The following CLMN variants were observed in gnomAD, a reference collection of about 807,000 sequenced individuals.
CLMN encodes the protein calmin.
CLMN carries 57 observed loss-of-function variants against 92.7 expected under a neutral mutation model. That is an observed-to-expected ratio of 0.61 (90% CI 0.50 to 0.77). The LOEUF (loss-of-function observed/expected upper bound fraction) is 0.77. CLMN is among the 30% of genes least tolerant of loss of function. CLMN has a pLI of 0.00. For synonymous variants in CLMN, 466 were observed against 470.6 expected (o/e 0.99, Z 0.13); for missense variants, 1,158 against 1,237.5 (o/e 0.94, Z 0.96).
Position 95,315,870 on chromosome 14 carries a change from C to G in CLMN, c.82+3841G>C, listed in dbSNP as rs555715437. On this transcript the variant is annotated intron_variant, in intron 1 of 12. Transcript: ENST00000298912. ...AGAGACTAGAACCAGCTTTCATTCTCCAATGTCTGCAAGATGCTACGTGCT... is the reference window on the plus strand; with the variant it reads ...AGAGACTAGAACCAGCTTTCATTCTGCAATGTCTGCAAGATGCTACGTGCT... Among the ~76,000 whole-genome samples the G allele has an allele frequency of 7.2e-5, 11 of 152,364 alleles. No individual in the cohort carries two copies. The South Asian group carries it at 1.7e-3, about 23-fold the overall frequency.
In CLMN at chr14:95,209,206, G is replaced by A. The variant is rs142738241; in HGVS notation, c.885+189C>T. 3.7e-3 allele frequency among the ~76,000 whole-genome samples: 557 copies of A among 152,266 alleles called. 6 individuals carry two copies. Among genetic ancestry groups the A allele is most frequent in the African/African-American group, 0.012 (514 of 41,542 alleles). ...CTGGGGGTCTTGAACTGTATCCCCCGCATATGAGGGGGACAACTATCATTC... is the reference window on the plus strand; with the variant it reads ...CTGGGGGTCTTGAACTGTATCCCCCACATATGAGGGGGACAACTATCATTC... On this transcript the variant is annotated intron_variant, in intron 8 of 12. Transcript: ENST00000298912.
chr14:95,260,468 A>C (rs1485757526), intron 1 of CLMN: 1 of 152,202 alleles, frequency 6.6e-6, no homozygotes, highest in Non-Finnish European at 1.5e-5. Context: ...TGGATCCAAC[A>C]AACAAATTAC....
At chr14:95,258,062 C>T (rs985629707) in intron 1 of CLMN, among the ~76,000 whole-genome samples, 1 of 149,908 alleles carries the variant, frequency 6.7e-6, no homozygotes, top group South Asian at 2.1e-4. Flanking sequence ...AGGTGGTATG[C>T]GTGAGGTGTG....
intron 1 of CLMN, among the ~76,000 whole-genome samples, chr14:95,279,951 A>G (rs903524543): frequency 6.6e-6 from 1 of 151,078 alleles, no homozygotes; most frequent in Non-Finnish European, 1.5e-5. Flanking sequence ...AAAAGATTAT[A>G]AGGCATCAGA....
At chr14:95,302,005 G>A (rs1358495004) in intron 1 of CLMN, among the ~76,000 whole-genome samples, 1 of 152,186 alleles carries the variant, frequency 6.6e-6, no homozygotes, top group Non-Finnish European at 1.5e-5. Flanking sequence ...ACTGAGCTAT[G>A]GTCGTGCCAT....
intron 1 of CLMN, among the ~76,000 whole-genome samples, chr14:95,272,697 A>G (rs531582052): frequency 6.6e-6 from 1 of 152,322 alleles, no homozygotes; most frequent in South Asian, 2.1e-4. Context: ...ACTAGATGCT[A>G]AGAAGCAAGG....
intron 1 of CLMN, among the ~76,000 whole-genome samples, chr14:95,282,992 G>A (rs1304863518): frequency 1.3e-5 from 2 of 152,376 alleles, no homozygotes; most frequent in South Asian, 2.1e-4. Context: ...CAGTCGGGCT[G>A]GAGCAGATCT....
At chr14:95,317,558 A>G (rs1259442392) in intron 1 of CLMN, among the ~76,000 whole-genome samples, 1 of 151,896 alleles carries the variant, frequency 6.6e-6, no homozygotes, top group Non-Finnish European at 1.5e-5. Context: ...AAGTCCAGAT[A>G]CAGGCGAGAG....
At chr14:95,303,553 C>A (rs927993861) in intron 1 of CLMN, among the ~76,000 whole-genome samples, 9 of 152,236 alleles carry the variant, frequency 5.9e-5, no homozygotes, top group Non-Finnish European at 1.2e-4. Context: ...CTTGGGACCT[C>A]AACCACGGAT....
At chr14:95,258,086 GGT>G (rs1431536656) in intron 1 of CLMN, among the ~76,000 whole-genome samples, 7 of 151,804 alleles carry the variant, frequency 4.6e-5, no homozygotes, top group Admixed American at 4.6e-4. Context: ...GCTTGTGTGG[GGT>G]GTGGGGAATG....
At chr14:95,238,606 T>C (rs1898136422) in intron 1 of CLMN, among the ~76,000 whole-genome samples, 2 of 152,148 alleles carry the variant, frequency 1.3e-5, no homozygotes, top group Non-Finnish European at 2.9e-5. Flanking sequence ...CCAAGTCTTG[T>C]AGAGGCCCTC....
intron 2 of CLMN, among the ~76,000 whole-genome samples, chr14:95,228,902 T>C (rs1897795069): frequency 6.6e-6 from 1 of 152,222 alleles, no homozygotes. Context: ...CTCAAACTCC[T>C]GACCTCAAGT....
At chr14:95,281,674 C>CA (rs1265662593) in intron 1 of CLMN, among the ~76,000 whole-genome samples, 1 of 152,202 alleles carries the variant, frequency 6.6e-6, no homozygotes, top group Admixed American at 6.5e-5. Flanking sequence ...TTGGTTCCAA[C>CA]AATAGCCCAG....
chr14:95,242,847 A>G (rs971908096), intron 1 of CLMN, among the ~76,000 whole-genome samples: 16 of 152,166 alleles, frequency 1.1e-4, no homozygotes, highest in African/African-American at 2.7e-4. Flanking sequence ...GATTACAGGC[A>G]TGAGCCACCA....
At chr14:95,297,496 G>A (rs529625100) in intron 1 of CLMN, among the ~76,000 whole-genome samples, 15 of 152,230 alleles carry the variant, frequency 9.9e-5, no homozygotes, top group African/African-American at 2.9e-4. Flanking sequence ...ATTCCTTTGT[G>A]TCCTATTGTA....
At chr14:95,207,151 GTA>G (rs1897068846) in intron 8 of CLMN, among the ~76,000 whole-genome samples, 1 of 152,090 alleles carries the variant, frequency 6.6e-6, no homozygotes, top group Non-Finnish European at 1.5e-5. Context: ...CTTAAAACGT[GTA>G]TACATTGTAA....
intron 1 of CLMN, among the ~76,000 whole-genome samples, chr14:95,270,344 T>C (rs1170847804): frequency 6.6e-6 from 1 of 152,218 alleles, no homozygotes; most frequent in Non-Finnish European, 1.5e-5. Context: ...CTCAGTGGTA[T>C]CTAGTCTATG....
rs1263942791 is a variant in CLMN at position 95,288,547 on chromosome 14, T to C, written c.82+31164A>G. Reference sequence around the variant, plus strand: ...GCACAAGGCTGAAGAGATTGGCAGATCCTATGCTTAAACACCTCACAAAAC... The same window carrying C: ...GCACAAGGCTGAAGAGATTGGCAGACCCTATGCTTAAACACCTCACAAAAC... On this transcript the variant is annotated intron_variant, in intron 1 of 12. Transcript: ENST00000298912. Among the ~76,000 whole-genome samples the C allele has an allele frequency of 5.3e-5, 8 of 152,296 alleles. No homozygotes were observed. The East Asian group carries it at 1.5e-3, about 29-fold the overall frequency.
chr14:95,297,649 G>A (rs1900860965), intron 1 of CLMN, among the ~76,000 whole-genome samples: 1 of 152,194 alleles, frequency 6.6e-6, no homozygotes, highest in Non-Finnish European at 1.5e-5. Flanking sequence ...CCACGTAGTA[G>A]AAGGGTTTTG....
Sources: allele counts gnomAD v4.1 joint callset (sites outside exome capture counted in the v4.1 genomes callset), GRCh38; gene constraint gnomAD v4.1.1; transcripts MANE v1.5; gene names NCBI Gene and HGNC (gene_info 2026-07-23, HGNC 2026-07-21).